The following ADCY9 variants were observed in gnomAD, a reference collection of about 807,000 sequenced individuals.
The protein encoded by ADCY9 is adenylate cyclase 9, also known as adenylate cyclase type 9.
In ADCY9, 50 loss-of-function variants were observed where a neutral mutation model predicts 101.5. The ratio of observed to expected loss-of-function variants is 0.49; its 90% CI spans 0.39 to 0.62. ADCY9 has a LOEUF of 0.62. Among genes scored for constraint, ADCY9 ranks in the 20% least tolerant of loss-of-function variants. The pLI, the probability that ADCY9 is intolerant of heterozygous loss-of-function variation, is 0.00. For synonymous variants in ADCY9, 905 were observed against 769.3 expected, an observed-to-expected ratio of 1.18 and a Z score of -2.92; for missense variants, 1,662 against 1,800.4, an observed-to-expected ratio of 0.92 and a Z score of 1.39.
intron 9 of ADCY9, among the ~76,000 whole-genome samples, chr16:3,976,895 T>G (rs1317251324): frequency 6.6e-6 from 1 of 152,200 alleles, no homozygotes; most frequent in Non-Finnish European, 1.5e-5. Flanking sequence ...TGACCTCAGG[T>G]GATCTGCCTG....
At chr16:3,968,360 G>A (rs558237831) in intron 10 of ADCY9, among the ~76,000 whole-genome samples, 96 of 151,602 alleles carry the variant, frequency 6.3e-4, no homozygotes, top group African/African-American at 2.2e-3. Context: ...TCAAACTCCC[G>A]ACCTCAGGTG....
rs375745334 is a variant in ADCY9, at chr16:4,057,038, G to GCCCCCCC, written c.1694-49487_1694-49481dup. Among the ~76,000 whole-genome samples, 49 of 83,546 alleles carry GCCCCCCC rather than the reference G, an allele frequency of 5.9e-4. 1 individual carries two copies. Among genetic ancestry groups the GCCCCCCC allele is most frequent in the East Asian group, 1.7e-3 (4 of 2,368 alleles). 54.8% of individuals were successfully genotyped at this position (83,546 alleles called of 152,430 possible). On this transcript the variant is annotated intron_variant, in intron 2 of 10. Transcript: ENST00000294016. ...TCAGGTAACCTGTACTGATGAAACC[G>GCCCCCCC]CCCCCCCCCCCCCCGCCAATCTTAC...
At chr16:4,059,102 C>T (rs1242922928) in intron 2 of ADCY9, among the ~76,000 whole-genome samples, 2 of 151,828 alleles carry the variant, frequency 1.3e-5, no homozygotes, top group African/African-American at 4.8e-5. Context: ...GGAAGAAAAA[C>T]CGGCCGTGCA....
chr16:3,955,809 A>C (rs541567950), intron 5 of ADCY9, among the ~76,000 whole-genome samples: 21 of 151,568 alleles, frequency 1.4e-4, no homozygotes, highest in African/African-American at 4.6e-4. Context: ...TCAGCCTCCC[A>C]AAGTGCTGGG....
chr16:3,985,722 C>A (rs995818550), intron 6 of ADCY9, among the ~76,000 whole-genome samples: 1 of 152,118 alleles, frequency 6.6e-6, no homozygotes, highest in Non-Finnish European at 1.5e-5. Flanking sequence ...CTCTGTAGAA[C>A]TGCCCCATCC....
intron 2 of ADCY9, among the ~76,000 whole-genome samples, chr16:4,049,399 C>T (rs2056686543): frequency 6.6e-6 from 1 of 152,178 alleles, no homozygotes; most frequent in Non-Finnish European, 1.5e-5. Context: ...GACACTGGCA[C>T]AATCCCCCAA....
At chr16:4,039,453 C>A (rs1418626835) in intron 2 of ADCY9, among the ~76,000 whole-genome samples, 1 of 151,714 alleles carries the variant, frequency 6.6e-6, no homozygotes, top group South Asian at 2.1e-4. Flanking sequence ...CTGAGGCAGG[C>A]AGATGTTCTG....
intron 5 of ADCY9, among the ~76,000 whole-genome samples, chr16:3,990,988 CG>C (rs1200934699): frequency 6.6e-6 from 1 of 152,106 alleles, no homozygotes; most frequent in Non-Finnish European, 1.5e-5. Flanking sequence ...TTAGTAGAGA[CG>C]GGGTTTCACC....
chr16:4,069,926 T>C (rs544780302), intron 2 of ADCY9, among the ~76,000 whole-genome samples: 2 of 152,178 alleles, frequency 1.3e-5, no homozygotes, highest in South Asian at 4.2e-4. Flanking sequence ...TGAAACCCTG[T>C]CTCTACTAAA....
chr16:4,056,772 G>C (rs1410977315), intron 2 of ADCY9, among the ~76,000 whole-genome samples: 1 of 152,228 alleles, frequency 6.6e-6, no homozygotes, highest in African/African-American at 2.4e-5. Flanking sequence ...AATATGTGCT[G>C]TTGTTATAAT....
intron 6 of ADCY9, among the ~76,000 whole-genome samples, chr16:3,986,971 C>T (rs2056198505): frequency 1.3e-5 from 2 of 152,348 alleles, no homozygotes; most frequent in South Asian, 4.1e-4. Context: ...GAGCCGTGAC[C>T]TGGCCCCTGC....
chr16:4,022,398 T>G (rs1210304220), intron 2 of ADCY9, among the ~76,000 whole-genome samples: 3 of 140,960 alleles, frequency 2.1e-5, no homozygotes, highest in Non-Finnish European at 4.5e-5. Flanking sequence ...GGCTGAGGCA[T>G]GAGAATGGCG....
intron 2 of ADCY9, among the ~76,000 whole-genome samples, chr16:4,076,537 A>G (rs2056868347): frequency 2.0e-5 from 3 of 152,222 alleles, no homozygotes; most frequent in African/African-American, 7.2e-5. Flanking sequence ...CTCACCTCTA[A>G]GGTCTAAGTG....
intron 2 of ADCY9, among the ~76,000 whole-genome samples, chr16:4,066,215 G>A (rs1455543662): frequency 1.3e-5 from 2 of 152,070 alleles, no homozygotes; most frequent in Admixed American, 6.5e-5. Flanking sequence ...CCATATAATC[G>A]TGAAGTTTTA....
At chr16:4,107,925 G>C (rs896570034) in intron 2 of ADCY9, among the ~76,000 whole-genome samples, 1 of 152,222 alleles carries the variant, frequency 6.6e-6, no homozygotes, top group Non-Finnish European at 1.5e-5. Context: ...CTCGATCACA[G>C]AGGTGGCCAA....
Position 4,113,785 on chromosome 16 carries a change from C to A in ADCY9, c.1658G>T (p.Arg553Leu). ...GTCAGCAACCACGCTCTGGCCCAGCCGTTCAATAACTTTCCCATCTTCCAT... is the reference window on the plus strand; with the variant it reads ...GTCAGCAACCACGCTCTGGCCCAGCAGTTCAATAACTTTCCCATCTTCCAT... ...YEMEDGKVIE[R>L]LGQSVVADQL... Residue 553 changes from arginine to leucine, a missense_variant, in exon 2 of 11, where the codon CGG (arginine) becomes CTG (leucine). By Grantham distance (102) the Arg-to-Leu change is moderately radical. This residue lies in a region of ADCY9 where 624 missense variants were observed against 639.1 expected (regional missense o/e 0.98). Coordinates refer to ENST00000294016, the MANE Select transcript of ADCY9 (RefSeq NM_001116.4). 6.2e-7 allele frequency: 1 copy of A among 1,613,842 alleles called. No homozygotes were observed. The highest frequency in any genetic ancestry group is 8.5e-7 in the Non-Finnish European group (1 of 1,179,826).
chr16:4,114,317 G>C lies in ADCY9; in HGVS notation c.1126C>G (p.Gln376Glu). ...PKNRKKKSSI[Q>E]KAPIAFRPFK... The stretch of plus-strand genomic sequence containing the variant: ...GGGCGGAAGGCTATAGGAGCTTTTT[G>C]GATGGAAGACTTTTTCTTCCTGTTC... Residue 376 changes from glutamine to glutamate, a missense_variant, in exon 2 of 11, where the codon CAA becomes GAA. This residue lies in a region of ADCY9 where 228 missense variants were observed against 301.1 expected (regional missense o/e 0.76). Transcript: ENST00000294016. The surrounding 1 kb of genome is among the most constrained non-coding windows in gnomAD (Gnocchi z 4.3). The C allele has an allele frequency of 6.2e-7, 1 of 1,613,950 alleles. No individual in the cohort carries two copies. Among genetic ancestry groups the C allele is most frequent in the Non-Finnish European group, 8.5e-7 (1 of 1,180,034 alleles).
Position 3,964,997 on chromosome 16 carries a change from G to C in ADCY9, c.*778C>G, listed in dbSNP as rs2055975318. On this transcript the variant is annotated 3_prime_UTR_variant, in exon 11 of 11. Coordinates refer to ENST00000294016, the MANE Select transcript of ADCY9 (RefSeq NM_001116.4). ...CCCGATGGGGAGACCCCTGGGTGGAGGGTCGGGGGTGAGAGGCGGCTCTGA... is the reference window on the plus strand; with the variant it reads ...CCCGATGGGGAGACCCCTGGGTGGACGGTCGGGGGTGAGAGGCGGCTCTGA... 6.6e-6 allele frequency: 1 copy of C among 152,266 alleles called. No individual in the cohort carries two copies. The highest frequency in any genetic ancestry group is 1.5e-5 in the Non-Finnish European group (1 of 68,048). The allele number at this position is 152,266 out of a possible 1,614,324, so 9.4% of individuals were successfully genotyped here.
chr16:4,002,579 A>T lies in ADCY9; in HGVS notation c.1884+4789T>A, dbSNP rs1435517049. Among the ~76,000 whole-genome samples the T allele has an allele frequency of 2.6e-5, 4 of 152,314 alleles. No individual in the cohort carries two copies. The East Asian group carries it at 7.7e-4, about 29-fold the overall frequency. ...GGCCAAGCAGCCCGGGGTTCTGAATAATAGATGAAGGTAAACTCAGGAAGA... is the reference window on the plus strand; with the variant it reads ...GGCCAAGCAGCCCGGGGTTCTGAATTATAGATGAAGGTAAACTCAGGAAGA... On this transcript the variant is annotated intron_variant, in intron 3 of 10. Coordinates refer to ENST00000294016, the MANE Select transcript of ADCY9 (RefSeq NM_001116.4).
Sources: allele counts gnomAD v4.1 joint callset (sites outside exome capture counted in the v4.1 genomes callset), GRCh38; gene constraint gnomAD v4.1.1; regional missense constraint gnomAD v4.1.1; non-coding constraint Gnocchi (gnomAD v3.1); transcripts MANE v1.5; gene names NCBI Gene and HGNC (gene_info 2026-07-23, HGNC 2026-07-21).